The following PCDHA11 variants were observed in gnomAD, a reference collection of about 807,000 sequenced individuals.
PCDHA11 encodes the protein protocadherin alpha 11.
In PCDHA11, 61 loss-of-function variants were observed where a neutral mutation model predicts 70.3. The observed-to-expected ratio is 0.87, with a 90% CI of 0.71 to 1.07. The LOEUF (loss-of-function observed/expected upper bound fraction) is 1.07. Among genes scored for constraint, PCDHA11 ranks in the 50% least tolerant of loss-of-function variants. The pLI, the probability that PCDHA11 is intolerant of heterozygous loss-of-function variation, is 0.00. For missense variants in PCDHA11, 1,324 were observed against 1,237.5 expected, an observed-to-expected ratio of 1.07 and a Z score of -1.05; for synonymous variants, 633 against 555.1, an observed-to-expected ratio of 1.14 and a Z score of -1.97.
intron 1 of PCDHA11, among the ~76,000 whole-genome samples, chr5:140,964,846 C>G (rs1292135709): frequency 2.0e-5 from 3 of 152,180 alleles, no homozygotes; most frequent in Non-Finnish European, 2.9e-5. Context: ...TACTCTGTAC[C>G]CTTGAGGAAA....
chr5:140,995,367 T>G (rs2153932865), intron 3 of PCDHA11, among the ~76,000 whole-genome samples: 1 of 152,280 alleles, frequency 6.6e-6, no homozygotes, highest in East Asian at 1.9e-4. Context: ...AGAGGGATGA[T>G]TCACGTACTG....
intron 1 of PCDHA11, chr5:140,929,159 A>C (rs781818133): frequency 1.2e-6 from 2 of 1,613,968 alleles, no homozygotes; most frequent in African/African-American, 1.3e-5. Context: ...ACTTATCTCT[A>C]TCGGGCCTCT....
rs781989346 is a variant in PCDHA11 at position 140,869,537 on chromosome 5, C to CT, written c.435dup (p.Lys146Ter). 1.6e-5 allele frequency: 26 copies of CT among 1,614,202 alleles called. 1 individual carries two copies. The highest frequency in any genetic ancestry group is 1.9e-5 in the Non-Finnish European group (23 of 1,180,050). ...GAACAAAAGCTGCTGATTGCGGAAT[C>CT]TAAGCAATCGGACTCGCGTTTTCCA... On this transcript the variant is annotated frameshift_variant, in exon 1 of 4. Coordinates refer to ENST00000398640, the MANE Select transcript of PCDHA11 (RefSeq NM_018902.5). LOFTEE classifies it high-confidence loss of function.
Position 140,869,283 on chromosome 5 carries a change from G to A in PCDHA11, c.180G>A (p.Val60=). Residue 60 remains valine, a synonymous_variant, in exon 1 of 4, where the codon GTG becomes GTA. Coordinates refer to ENST00000398640, the MANE Select transcript of PCDHA11 (RefSeq NM_018902.5). ...TGGGGCTGGAGCTGGCGGAGCTGGT[G>A]CAGCGCCTGTTCCGGGTGGCGTCCA... is the stretch of plus-strand genomic sequence containing the variant. ...QDLGLELAEL[V]QRLFRVASKT... is the part of the protein sequence containing the mutation. 1.2e-6 allele frequency: 2 copies of A among 1,613,602 alleles called. No homozygotes were observed. The highest frequency in any genetic ancestry group is 1.7e-6 in the Non-Finnish European group (2 of 1,179,966).
At chr5:140,974,931 A>G (rs555720345) in intron 1 of PCDHA11, among the ~76,000 whole-genome samples, 1 of 152,324 alleles carries the variant, frequency 6.6e-6, no homozygotes, top group African/African-American at 2.4e-5. Context: ...TGTTTAAAAC[A>G]CCACCTATTT....
intron 1 of PCDHA11, 89 bp downstream of exon 1, chr5:140,871,583 T>C (rs782012993): frequency 2.0e-6 from 3 of 1,468,262 alleles, no homozygotes; most frequent in Non-Finnish European, 9.0e-7. Flanking sequence ...TAAGGGAAAG[T>C]TTTATGAATA....
chr5:140,926,212 T>G (rs1261895253), intron 1 of PCDHA11, among the ~76,000 whole-genome samples: 2 of 152,204 alleles, frequency 1.3e-5, no homozygotes, highest in Non-Finnish European at 2.9e-5. Context: ...GGGCTCCTGT[T>G]TCCTTAAGCC....
intron 1 of PCDHA11, among the ~76,000 whole-genome samples, chr5:140,977,234 A>G (rs2096751203): frequency 1.3e-5 from 2 of 152,242 alleles, no homozygotes; most frequent in Non-Finnish European, 2.9e-5. Flanking sequence ...CCAATCATAG[A>G]AAAATTGGCA....
At chr5:140,962,676 G>C (rs1201696145) in intron 1 of PCDHA11, among the ~76,000 whole-genome samples, 1 of 152,126 alleles carries the variant, frequency 6.6e-6, no homozygotes, top group Non-Finnish European at 1.5e-5. Context: ...CCATCCACTG[G>C]ATGTTTTATC....
In PCDHA11 at chr5:141,010,450, G is replaced by T; in HGVS notation, c.*513G>T. 7.6e-6 allele frequency: 7 copies of T among 920,886 alleles called. No homozygotes were observed. The South Asian group carries it at 1.3e-4, about 17-fold the overall frequency. The allele number at this position is 920,886 out of a possible 1,614,324, so 57.0% of individuals were successfully genotyped here. A position where few individuals can be genotyped will look rare whatever the true frequency, so the allele number is the denominator to read the frequency against. ...AAGAAAACAAAGACAAATAAACAGC[G>T]GAAGTTATCAGTATGGAGGGGAAGT... is the stretch of plus-strand genomic sequence containing the variant. On this transcript the variant is annotated 3_prime_UTR_variant, in exon 4 of 4. Transcript: ENST00000398640.
At chr5:140,972,625 G>A (rs2096544051) in intron 1 of PCDHA11, among the ~76,000 whole-genome samples, 1 of 151,044 alleles carries the variant, frequency 6.6e-6, no homozygotes, top group African/African-American at 2.4e-5. Flanking sequence ...AATGTTGTTG[G>A]CACTCCCTTC....
intron 1 of PCDHA11, among the ~76,000 whole-genome samples, chr5:140,900,299 GAC>G (rs1372785177): frequency 6.6e-6 from 1 of 151,604 alleles, no homozygotes; most frequent in Non-Finnish European, 1.5e-5. Flanking sequence ...TGTTTTTTTA[GAC>G]AGTCTCACTT....
intron 1 of PCDHA11, among the ~76,000 whole-genome samples, chr5:140,916,133 G>A (rs2077446110): frequency 6.6e-6 from 1 of 152,114 alleles, no homozygotes; most frequent in Non-Finnish European, 1.5e-5. Flanking sequence ...AAGCTTAAGG[G>A]CTGTTCAGTT....
chr5:140,996,659 T>C (rs2097736809), intron 3 of PCDHA11, among the ~76,000 whole-genome samples: 1 of 152,230 alleles, frequency 6.6e-6, no homozygotes, highest in Non-Finnish European at 1.5e-5. Context: ...GGGTGCAGGC[T>C]AGTTTTTGAA....
intron 1 of PCDHA11, chr5:140,967,008 A>C: frequency 6.2e-7 from 1 of 1,606,216 alleles, no homozygotes. Context: ...CGCATCAACC[A>C]TCTGGGTGCG....
At chr5:140,904,826 TTA>T (rs1554191735) in intron 1 of PCDHA11, among the ~76,000 whole-genome samples, 2 of 152,206 alleles carry the variant, frequency 1.3e-5, no homozygotes, top group South Asian at 4.1e-4. Context: ...GAGCATTTTT[TTA>T]TATGTTTCAT....
intron 1 of PCDHA11, among the ~76,000 whole-genome samples, chr5:140,872,514 T>G (rs1223185665): frequency 1.3e-5 from 2 of 152,108 alleles, no homozygotes; most frequent in East Asian, 3.9e-4. Context: ...GTAGTCCCAG[T>G]TTCTTGGGAG....
intron 1 of PCDHA11, among the ~76,000 whole-genome samples, chr5:140,900,338 C>T (rs145242611): frequency 0.027 from 4,159 of 152,082 alleles, 89 homozygotes; most frequent in Non-Finnish European, 0.044. Flanking sequence ...AGTACCGTGG[C>T]GCAATCTTGG....
chr5:141,004,869 A>T (rs908726845), intron 3 of PCDHA11, among the ~76,000 whole-genome samples: 3 of 152,218 alleles, frequency 2.0e-5, no homozygotes, highest in Non-Finnish European at 2.9e-5. Flanking sequence ...TTTGTTTCTC[A>T]TCCCTAAAGT....
Sources: allele counts gnomAD v4.1 joint callset (sites outside exome capture counted in the v4.1 genomes callset), GRCh38; gene constraint gnomAD v4.1.1; transcripts MANE v1.5; gene names NCBI Gene and HGNC (gene_info 2026-07-23, HGNC 2026-07-21).